RREB1: variants seen among roughly 807,000 people sequenced by gnomAD.
The protein encoded by RREB1 is ras-responsive element-binding protein 1.
RREB1 carries 27 observed loss-of-function variants against 117.8 expected under a neutral mutation model. The observed-to-expected ratio is 0.23, with a 90% confidence interval of 0.17 to 0.32. RREB1 has a LOEUF of 0.32. Ranked by LOEUF, RREB1 falls within the 10% of genes least tolerant of loss-of-function variation. The probability of loss-of-function intolerance (pLI) is 1.00; values close to 1 mark genes in which losing one functional copy is unlikely to be tolerated. For synonymous variants in RREB1, 1,298 were observed against 1,026.7 expected, an observed-to-expected ratio of 1.26 and a Z score of -5.05; for missense variants, 2,577 against 2,378.2, an observed-to-expected ratio of 1.08 and a Z score of -1.74.
intron 6 of RREB1, among the ~76,000 whole-genome samples, chr6:7,210,340 C>G (rs904511171): frequency 2.6e-5 from 4 of 152,170 alleles, no homozygotes; most frequent in Admixed American, 2.6e-4. Context: ...CAAAATGCTT[C>G]CAAAGCAGAA....
intron 6 of RREB1, among the ~76,000 whole-genome samples, chr6:7,195,801 C>A (rs1321203870): frequency 6.6e-6 from 1 of 152,144 alleles, no homozygotes; most frequent in African/African-American, 2.4e-5. Flanking sequence ...CAGGTGCCTC[C>A]GTTCCATCTT....
chr6:7,198,000 C>T (rs1050650582), intron 6 of RREB1, among the ~76,000 whole-genome samples: 1 of 152,100 alleles, frequency 6.6e-6, no homozygotes, highest in Non-Finnish European at 1.5e-5. Context: ...AACAGGTGGC[C>T]AGTATTAAAT....
chr6:7,224,743 G>A (rs754403821), intron 8 of RREB1, among the ~76,000 whole-genome samples: 2 of 152,190 alleles, frequency 1.3e-5, no homozygotes, highest in Non-Finnish European at 2.9e-5. Context: ...CCCGCAGTGT[G>A]AGGACTTCCA....
intron 1 of RREB1, among the ~76,000 whole-genome samples, chr6:7,111,523 G>A (rs1308335131): frequency 1.3e-5 from 2 of 152,190 alleles, no homozygotes; most frequent in East Asian, 3.8e-4. Flanking sequence ...GGGTTGCTAA[G>A]CAGCTAAACA....
chr6:7,131,638 A>C (rs1013368599), intron 1 of RREB1, among the ~76,000 whole-genome samples: 4 of 152,112 alleles, frequency 2.6e-5, no homozygotes, highest in African/African-American at 9.7e-5. Flanking sequence ...TTTGTTTTTT[A>C]AGTAAAAATA....
intron 6 of RREB1, among the ~76,000 whole-genome samples, chr6:7,196,383 A>G (rs567108649): frequency 3.2e-4 from 48 of 152,036 alleles, no homozygotes; most frequent in African/African-American, 1.0e-3. Flanking sequence ...TTTTATGAGT[A>G]TTTGTTAGTT....
chr6:7,147,423 CT>C (rs1228883737), intron 1 of RREB1, among the ~76,000 whole-genome samples: 1 of 152,196 alleles, frequency 6.6e-6, no homozygotes, highest in Admixed American at 6.5e-5. Flanking sequence ...TCCCCAAAGG[CT>C]TACTGCCTTT....
At chr6:7,132,344 C>T (rs967194526) in intron 1 of RREB1, among the ~76,000 whole-genome samples, 5 of 141,132 alleles carry the variant, frequency 3.5e-5, no homozygotes, top group Admixed American at 2.2e-4. Flanking sequence ...TGTGAGCCAC[C>T]GTGCCCAGCC....
intron 5 of RREB1, among the ~76,000 whole-genome samples, chr6:7,187,952 TG>T (rs1295909845): frequency 6.6e-6 from 1 of 152,104 alleles, no homozygotes; most frequent in Non-Finnish European, 1.5e-5. Context: ...GATCAGGATT[TG>T]GAGACCAGCC....
rs1457555345 is a variant in RREB1, at chr6:7,240,472, C to T, written c.3843C>T (p.Ala1281=). 1.9e-6 allele frequency: 3 copies of T among 1,613,758 alleles called. No individual in the cohort carries two copies. The highest frequency in any genetic ancestry group is 2.5e-6 in the Non-Finnish European group (3 of 1,179,836). Residue 1281 remains alanine (A), a synonymous_variant, in exon 11 of 13, where the codon GCC becomes GCT. Coordinates refer to ENST00000379938, the MANE Select transcript of RREB1 (RefSeq NM_001003699.4). Reference sequence around the variant, plus strand: ...CCTTCCCTTGTCAAAAATGCGATGCCTTCTTTTCTACCAAATCTAACTGTG... The same window carrying T: ...CCTTCCCTTGTCAAAAATGCGATGCTTTCTTTTCTACCAAATCTAACTGTG... ...QKPFPCQKCD[A]FFSTKSNCER...
intron 10 of RREB1, among the ~76,000 whole-genome samples, chr6:7,236,856 A>C (rs565235454): frequency 7.1e-6 from 1 of 141,756 alleles, no homozygotes; most frequent in Non-Finnish European, 1.5e-5. Flanking sequence ...GAGAGTAAAC[A>C]CTGGCTAATT....
intron 1 of RREB1, chr6:7,108,823 C>T (rs1273469223): frequency 1.3e-5 from 2 of 151,694 alleles, no homozygotes; most frequent in South Asian, 4.2e-4. Context: ...CGGCGCCGGC[C>T]GGGAGGGGGC....
chr6:7,181,721 CTG>C (rs1274217116), intron 3 of RREB1, 147 bp from the exon 4 acceptor site: 1 of 699,016 alleles, frequency 1.4e-6, no homozygotes, highest in East Asian at 2.5e-5. Flanking sequence ...TTCCATCACT[CTG>C]GGCGTGAATG....
intron 6 of RREB1, among the ~76,000 whole-genome samples, chr6:7,204,101 T>A (rs746317693): frequency 6.6e-6 from 1 of 152,150 alleles, no homozygotes; most frequent in Non-Finnish European, 1.5e-5. Flanking sequence ...GACTTTAGAT[T>A]TTTCTAAGGG....
chr6:7,122,652 A>C lies in RREB1; in HGVS notation c.-285+14592A>C, dbSNP rs569325639. On this transcript the variant is annotated intron_variant, in intron 1 of 12. Transcript: ENST00000379938. ...ACTCCTCACTTTTTCTGATTGGAAT[A>C]GCTTGGTGAAGAGATGGCTGGGAAG... 4.6e-5 allele frequency among the ~76,000 whole-genome samples: 7 copies of C among 152,378 alleles called. No homozygotes were observed. In the South Asian group the frequency reaches 8.3e-4, roughly 18 times the overall value.
rs1769421983 is a variant in RREB1, at chr6:7,251,787, G to A, written c.*2819G>A. On this transcript the variant is annotated 3_prime_UTR_variant, in exon 13 of 13. Coordinates refer to ENST00000379938, the MANE Select transcript of RREB1 (RefSeq NM_001003699.4). ...TGTAGAATTCATATTTTTCTAAAGG[G>A]AACTTAAAAACTGCTGCTACATGTT... 6.6e-6 allele frequency: 1 copy of A among 152,046 alleles called. No individual in the cohort carries two copies. The allele number at this position is 152,046 out of a possible 1,614,324, so 9.4% of individuals were successfully genotyped here. A position where few individuals can be genotyped will look rare whatever the true frequency, so the allele number is the denominator to read the frequency against.
intron 1 of RREB1, among the ~76,000 whole-genome samples, chr6:7,113,634 C>T (rs747052439): frequency 6.6e-6 from 1 of 152,148 alleles, no homozygotes; most frequent in Admixed American, 6.5e-5. Flanking sequence ...TCCAGCCTAG[C>T]CCTGTAGAAC....
intron 1 of RREB1, chr6:7,140,733 G>C (rs1364459673): frequency 2.0e-5 from 3 of 152,270 alleles, no homozygotes; most frequent in African/African-American, 7.2e-5. Context: ...GAAGTGGAAA[G>C]TTGCGAAGAT....
chr6:7,137,294 T>C (rs1355484064), intron 1 of RREB1, among the ~76,000 whole-genome samples: 2 of 152,124 alleles, frequency 1.3e-5, no homozygotes, highest in African/African-American at 2.4e-5. Context: ...AGCTGCCTTA[T>C]AGACTCGGGT....
Sources: allele counts gnomAD v4.1 joint callset (sites outside exome capture counted in the v4.1 genomes callset), GRCh38; gene constraint gnomAD v4.1.1; transcripts MANE v1.5; gene names NCBI Gene and HGNC (gene_info 2026-07-23, HGNC 2026-07-21).